The following PRR16 variants were observed in gnomAD, a reference collection of about 807,000 sequenced individuals.
PRR16 encodes the protein proline rich 16.
PRR16 carries 6 observed loss-of-function variants against 18.2 expected under a neutral mutation model. The ratio of observed to expected loss-of-function variants is 0.33; its 90% CI spans 0.18 to 0.65. PRR16 has a LOEUF of 0.65. PRR16 is among the 30% of genes least tolerant of loss of function. PRR16 has a pLI of 0.74. For missense variants in PRR16, 412 were observed against 376.6 expected, an observed-to-expected ratio of 1.09 and a Z score of -0.78; for synonymous variants, 151 against 147.8, an observed-to-expected ratio of 1.02 and a Z score of -0.16.
intron 1 of PRR16, among the ~76,000 whole-genome samples, chr5:120,534,990 G>A (rs1318388240): frequency 1.3e-5 from 2 of 152,110 alleles, no homozygotes; most frequent in Non-Finnish European, 2.9e-5. Context: ...TGTATCGTGA[G>A]GAGTAACATA....
At chr5:120,618,272 G>T (rs1468046705) in intron 1 of PRR16, among the ~76,000 whole-genome samples, 1 of 151,940 alleles carries the variant, frequency 6.6e-6, no homozygotes, top group African/African-American at 2.4e-5. Context: ...GCATTCTTTT[G>T]TCATGCATTT....
At chr5:120,620,403 G>A (rs1002492081) in intron 1 of PRR16, among the ~76,000 whole-genome samples, 1 of 152,042 alleles carries the variant, frequency 6.6e-6, no homozygotes, top group Admixed American at 6.6e-5. Context: ...GTGCTTATGA[G>A]GTGAGGTTGC....
intron 1 of PRR16, among the ~76,000 whole-genome samples, chr5:120,570,823 T>A (rs1752882106): frequency 6.6e-6 from 1 of 152,086 alleles, no homozygotes. Context: ...TTTCTGTAAA[T>A]TTAAAAACAA....
chr5:120,593,894 A>G (rs1195159327), intron 1 of PRR16, among the ~76,000 whole-genome samples: 1 of 152,154 alleles, frequency 6.6e-6, no homozygotes, highest in African/African-American at 2.4e-5. Flanking sequence ...AAAATTAAAG[A>G]CAGAAATCAC....
At chr5:120,591,325 A>G (rs1278041025) in intron 1 of PRR16, among the ~76,000 whole-genome samples, 1 of 152,028 alleles carries the variant, frequency 6.6e-6, no homozygotes, top group African/African-American at 2.4e-5. Flanking sequence ...TACTGTATAT[A>G]TCCTTTTATA....
intron 1 of PRR16, among the ~76,000 whole-genome samples, chr5:120,591,620 A>G (rs1009945982): frequency 1.3e-5 from 2 of 151,988 alleles, no homozygotes; most frequent in African/African-American, 4.8e-5. Flanking sequence ...TTAAGTAGAA[A>G]CAAACATAAT....
intron 1 of PRR16, among the ~76,000 whole-genome samples, chr5:120,604,935 C>T (rs1053595965): frequency 2.4e-4 from 37 of 152,140 alleles, no homozygotes; most frequent in Non-Finnish European, 4.6e-4. Flanking sequence ...TTGTATATAA[C>T]CTGTCCCTTC....
At chr5:120,513,340 C>T (rs1386253793) in intron 1 of PRR16, among the ~76,000 whole-genome samples, 1 of 152,150 alleles carries the variant, frequency 6.6e-6, no homozygotes, top group African/African-American at 2.4e-5. Flanking sequence ...GCCTCAATTC[C>T]TCTGTTTATA....
chr5:120,736,537 CTTTTTTTTTTTTTTT>C, the PRR16 span, among the ~76,000 whole-genome samples: 1 of 54,022 alleles, frequency 1.9e-5, no homozygotes, highest in African/African-American at 7.8e-5. Context: ...AGTGTAAAGG[CTTTTTTTTTTTTTTT>C]TTTTTTTTTT....
intron 1 of PRR16, among the ~76,000 whole-genome samples, chr5:120,671,338 A>G (rs1295504790): frequency 2.0e-5 from 3 of 152,108 alleles, no homozygotes; most frequent in African/African-American, 2.4e-5. Flanking sequence ...TAGAAAAAAG[A>G]CTCAGTTTTA....
chr5:120,664,509 A>C (rs1293958215), intron 1 of PRR16, among the ~76,000 whole-genome samples: 1 of 151,324 alleles, frequency 6.6e-6, no homozygotes, highest in Non-Finnish European at 1.5e-5. Flanking sequence ...CACAATGTGC[A>C]GGTTAGTTAC....
At chr5:120,561,517 C>T (rs1752574579) in intron 1 of PRR16, among the ~76,000 whole-genome samples, 2 of 151,994 alleles carry the variant, frequency 1.3e-5, no homozygotes, top group African/African-American at 4.8e-5. Flanking sequence ...ATTTTAAGAA[C>T]TTGTTTTGTT....
At chr5:120,504,272 T>C (rs1750568229) in intron 1 of PRR16, among the ~76,000 whole-genome samples, 1 of 152,134 alleles carries the variant, frequency 6.6e-6, no homozygotes, top group Non-Finnish European at 1.5e-5. Context: ...CAACCAACCA[T>C]GTTGCATCAC....
At chr5:120,547,577 A>G (rs563046518) in intron 1 of PRR16, among the ~76,000 whole-genome samples, 1 of 151,524 alleles carries the variant, frequency 6.6e-6, no homozygotes, top group East Asian at 1.9e-4. Flanking sequence ...TTTTTACAGT[A>G]GTAGCTACTA....
chr5:120,782,443 C>A, the PRR16 span, among the ~76,000 whole-genome samples: 929 of 152,246 alleles, frequency 6.1e-3, 6 homozygotes, highest in Admixed American at 0.01. Context: ...AAAGTGAAGC[C>A]TGATGGGACA....
intron 1 of PRR16, among the ~76,000 whole-genome samples, chr5:120,577,059 CT>C (rs1246968572): frequency 6.6e-6 from 1 of 151,590 alleles, no homozygotes; most frequent in South Asian, 2.1e-4. Flanking sequence ...CTGAAAGATT[CT>C]TTTTTTTAAG....
At chr5:120,494,629 A>G (rs941804939) in intron 1 of PRR16, among the ~76,000 whole-genome samples, 2 of 152,158 alleles carry the variant, frequency 1.3e-5, no homozygotes, top group Admixed American at 6.5e-5. Context: ...AGTTCAGTTT[A>G]TCAATTTGCA....
intron 1 of PRR16, among the ~76,000 whole-genome samples, chr5:120,477,139 C>T (rs1463895594): frequency 6.6e-6 from 1 of 152,060 alleles, no homozygotes; most frequent in African/African-American, 2.4e-5. Flanking sequence ...AAAAAAGGTA[C>T]TCTTCTTGGT....
At chr5:120,783,207 A>G in the PRR16 span, among the ~76,000 whole-genome samples, 1 of 152,210 alleles carries the variant, frequency 6.6e-6, no homozygotes, top group African/African-American at 2.4e-5. Context: ...TCTTCACATT[A>G]CAATAATCAT....
Sources: gnomAD v4.1 joint callset for allele counts (sites outside exome capture counted in the v4.1 genomes callset) on GRCh38, gnomAD v4.1.1 for gene constraint, MANE v1.5 for transcripts, NCBI Gene and HGNC (gene_info 2026-07-23, HGNC 2026-07-21) for gene names.